NXPE2: variants seen among roughly 807,000 people sequenced by gnomAD.
NXPE2 encodes NXPE family member 2.
A neutral mutation model predicts 34.4 loss-of-function variants in NXPE2; 34 were observed. The ratio of observed to expected loss-of-function variants is 0.99; its 90% CI spans 0.75 to 1.31. The LOEUF (loss-of-function observed/expected upper bound fraction) is 1.31, where lower values mean the gene tolerates loss of function less well. Among genes scored for constraint, NXPE2 ranks in the 40% most tolerant of loss-of-function variants. NXPE2 has a pLI of 0.00. For missense variants in NXPE2, 649 were observed against 672.5 expected, an observed-to-expected ratio of 0.97 and a Z score of 0.39; for synonymous variants, 235 against 231.3, an observed-to-expected ratio of 1.02 and a Z score of -0.15.
the NXPE2 span, among the ~76,000 whole-genome samples, chr11:114,659,435 A>G: frequency 1.4e-4 from 4 of 28,146 alleles, no homozygotes; most frequent in African/African-American, 2.5e-4. Context: ...CTGTTAAACA[A>G]AAAAAAGAGA....
the NXPE2 span, among the ~76,000 whole-genome samples, chr11:114,738,002 G>A: frequency 7.9e-5 from 12 of 152,254 alleles, no homozygotes; most frequent in East Asian, 1.7e-3. Flanking sequence ...CATGAGAATC[G>A]CTTGAGCCCG....
the NXPE2 span, among the ~76,000 whole-genome samples, chr11:114,810,897 A>C: frequency 1.3e-5 from 2 of 151,704 alleles, no homozygotes. Context: ...ACATATGTTT[A>C]TAGTGGCACT....
the NXPE2 span, among the ~76,000 whole-genome samples, chr11:114,765,547 ATTTT>A: frequency 7.9e-5 from 12 of 152,202 alleles, no homozygotes; most frequent in East Asian, 2.3e-3. Flanking sequence ...CTTTATTGTG[ATTTT>A]TTTGTTTTAT....
the NXPE2 span, among the ~76,000 whole-genome samples, chr11:114,633,762 A>C: frequency 0.67 from 102,283 of 151,672 alleles, 34,882 homozygotes; most frequent in African/African-American, 0.76. Context: ...ATGATTTCCA[A>C]TTTCATCCAT....
the NXPE2 span, among the ~76,000 whole-genome samples, chr11:114,737,870 C>T: frequency 6.6e-6 from 1 of 151,990 alleles, no homozygotes; most frequent in African/African-American, 2.4e-5. Flanking sequence ...ATCACCTGAG[C>T]TTAGGAGTTT....
the NXPE2 span, among the ~76,000 whole-genome samples, chr11:114,506,442 C>G: frequency 2.0e-5 from 3 of 152,130 alleles, no homozygotes; most frequent in Non-Finnish European, 2.9e-5. Flanking sequence ...ATTTTCATTG[C>G]CACATGGCAC....
At chr11:114,708,628 T>TC (rs1408906429), downstream of NXPE2, among the ~76,000 whole-genome samples, 6 of 126,040 alleles carry the variant, frequency 4.8e-5, no homozygotes, top group Admixed American at 3.9e-4. Flanking sequence ...AGACTCCATC[T>TC]CAAAAAAAAA....
the NXPE2 span, among the ~76,000 whole-genome samples, chr11:114,537,189 A>T: frequency 0.017 from 2,573 of 152,328 alleles, 56 homozygotes; most frequent in African/African-American, 0.056. Flanking sequence ...CCAGATGATT[A>T]TCTCAATAGA....
chr11:114,552,637 A>G, the NXPE2 span, among the ~76,000 whole-genome samples: 21 of 152,020 alleles, frequency 1.4e-4, no homozygotes, highest in Non-Finnish European at 2.5e-4. Flanking sequence ...CCCGAGACTG[A>G]TCCAGGTTTT....
At chr11:114,492,486 A>G in the NXPE2 span, among the ~76,000 whole-genome samples, 36 of 151,834 alleles carry the variant, frequency 2.4e-4, no homozygotes, top group African/African-American at 8.7e-4. Context: ...TGTTCTCTAA[A>G]TATCTGTTAG....
the NXPE2 span, among the ~76,000 whole-genome samples, chr11:114,738,374 T>C: frequency 6.6e-6 from 1 of 152,192 alleles, no homozygotes; most frequent in African/African-American, 2.4e-5. Context: ...ACTATGAGCC[T>C]TTATGGGTAG....
chr11:114,487,551 A>C, the NXPE2 span, among the ~76,000 whole-genome samples: 1 of 152,146 alleles, frequency 6.6e-6, no homozygotes, highest in African/African-American at 2.4e-5. Context: ...TTCCCATCCT[A>C]TGTTGGACAA....
the NXPE2 span, chr11:114,571,165 C>G: frequency 6.2e-7 from 1 of 1,613,944 alleles, no homozygotes; most frequent in Non-Finnish European, 8.5e-7. Flanking sequence ...TTGATGATAA[C>G]CATAGTGTCT....
the NXPE2 span, among the ~76,000 whole-genome samples, chr11:114,802,829 A>G: frequency 6.6e-6 from 1 of 152,160 alleles, no homozygotes; most frequent in African/African-American, 2.4e-5. Flanking sequence ...ACTTTTGCTT[A>G]TCTAAAGTTG....
At chr11:114,472,152 G>A in the NXPE2 span, among the ~76,000 whole-genome samples, 1 of 152,198 alleles carries the variant, frequency 6.6e-6, no homozygotes, top group Non-Finnish European at 1.5e-5. Context: ...TTGCAAGGAG[G>A]CACACGTTCC....
At chr11:114,596,787 A>G in the NXPE2 span, among the ~76,000 whole-genome samples, 1 of 152,222 alleles carries the variant, frequency 6.6e-6, no homozygotes, top group Non-Finnish European at 1.5e-5. Context: ...ACTCTGAGAC[A>G]TATAGATTTA....
chr11:114,712,734 A>G, the NXPE2 span, among the ~76,000 whole-genome samples: 1 of 152,212 alleles, frequency 6.6e-6, no homozygotes, highest in African/African-American at 2.4e-5. Context: ...AATTAAAAGT[A>G]GAATTGCCAT....
chr11:114,593,425 G>T, the NXPE2 span, among the ~76,000 whole-genome samples: 1 of 152,078 alleles, frequency 6.6e-6, no homozygotes, highest in Non-Finnish European at 1.5e-5. Context: ...ATGAAAAGGT[G>T]CTCAACATCA....
the NXPE2 span, among the ~76,000 whole-genome samples, chr11:114,602,105 A>C: frequency 1.0e-5 from 1 of 99,350 alleles, no homozygotes; most frequent in Non-Finnish European, 1.8e-5. Context: ...CATATATTAT[A>C]ATATATATAA....
Sources: allele counts gnomAD v4.1 joint callset (sites outside exome capture counted in the v4.1 genomes callset), GRCh38; gene constraint gnomAD v4.1.1; transcripts MANE v1.5; gene names NCBI Gene and HGNC (gene_info 2026-07-23, HGNC 2026-07-21).